The following CORO2A variants were observed in gnomAD, a reference collection of about 807,000 sequenced individuals.
CORO2A encodes coronin-2A.
A neutral mutation model predicts 62.4 loss-of-function variants in CORO2A; 47 were observed. That is an observed-to-expected ratio of 0.75 (90% CI 0.60 to 0.96). CORO2A has a LOEUF of 0.96. Among genes scored for constraint, CORO2A ranks in the 40% least tolerant of loss-of-function variants. The probability of loss-of-function intolerance (pLI) is 0.00; values close to 1 mark genes in which losing one functional copy is unlikely to be tolerated. For synonymous variants in CORO2A, 273 were observed against 268.9 expected (o/e 1.02, Z -0.15); for missense variants, 610 against 684.1 (o/e 0.89, Z 1.21).
intron 8 of CORO2A, 40 bp from the exon 9 acceptor site, chr9:98,128,759 C>CT: frequency 6.4e-7 from 1 of 1,572,164 alleles, no homozygotes; most frequent in Non-Finnish European, 8.8e-7. Context: ...TCTGGCTAGG[C>CT]TGGGGCCACA....
rs1229961134 is a variant in CORO2A at position 98,157,631 on chromosome 9, G to A, written c.30C>T (p.Ser10=). 4 of 1,613,840 alleles carry A rather than the reference G, an allele frequency of 2.5e-6. No homozygotes were observed. In the South Asian group the frequency reaches 4.4e-5, roughly 18 times the overall value. Residue 10 remains serine, a synonymous_variant, in exon 2 of 12, where the codon TCC becomes TCT. Coordinates refer to ENST00000375077, the MANE Select transcript of CORO2A (RefSeq NM_052820.4). ...GTTTGCCAAAGACATGACGGAACTT[G>A]GAGCTCCGGTACTGGGGGTGCCATG... MSWHPQYRS[S]KFRHVFGKPA...
At chr9:98,131,112 G>A (rs1375287028) in intron 6 of CORO2A, 53 bp from the exon 7 acceptor site, 8 of 1,234,422 alleles carry the variant, frequency 6.5e-6, no homozygotes, top group Non-Finnish European at 9.4e-6. Flanking sequence ...GGGGCCCTCA[G>A]TGGTGCTCCC....
In CORO2A at chr9:98,121,438, T is replaced by C. The variant is rs1827244258; in HGVS notation, c.*3336A>G. The C allele has an allele frequency of 6.6e-6, 1 of 151,984 alleles. No individual in the cohort carries two copies. Among genetic ancestry groups the C allele is most frequent in the African/African-American group, 2.4e-5 (1 of 41,414 alleles). The allele number at this position is 151,984 out of a possible 1,614,324, so 9.4% of individuals were successfully genotyped here. ...AAAATGTAATTTAAAAAACAGATGG[T>C]TTAAAAAAATATCTGATAAAAATTA... On this transcript the variant is annotated 3_prime_UTR_variant, in exon 12 of 12. Coordinates refer to ENST00000375077, the MANE Select transcript of CORO2A (RefSeq NM_052820.4).
At chr9:98,147,871 G>A (rs1319293898) in intron 2 of CORO2A, among the ~76,000 whole-genome samples, 7 of 152,068 alleles carry the variant, frequency 4.6e-5, no homozygotes, top group Non-Finnish European at 7.3e-5. Flanking sequence ...CCCCAAACTC[G>A]AAACAACCCA....
intron 2 of CORO2A, among the ~76,000 whole-genome samples, chr9:98,154,296 T>C (rs1020328436): frequency 6.9e-6 from 1 of 145,894 alleles, no homozygotes; most frequent in African/African-American, 2.5e-5. Context: ...TGTAAAACCA[T>C]CTAGGCCTAG....
At position 98,126,761 on chromosome 9, in the gene CORO2A, C is replaced by T. The variant is rs758266065; in HGVS notation, c.1234G>A (p.Glu412Lys). 1.9e-6 allele frequency: 3 copies of T among 1,614,070 alleles called. No homozygotes were observed. The highest frequency in any genetic ancestry group is 3.3e-5 in the Admixed American group (2 of 59,998). The change falls in exon 11 of 12, where the codon GAG (glutamate) becomes AAG (lysine). Residue 412 changes from glutamate to lysine, a missense_variant. Glu to Lys is a moderately conservative substitution (Grantham distance 56). Coordinates refer to ENST00000375077, the MANE Select transcript of CORO2A (RefSeq NM_052820.4). ...ELLRPHPLPA[E>K]RPIFNSMAPA... The stretch of plus-strand genomic sequence containing the variant: ...GCCATGGAATTGAAGATAGGTCTCT[C>T]TGCAGGCAGTGGGTGGGGTCTCAGC...
At chr9:98,157,846 T>G (rs1045389759) in intron 1 of CORO2A, among the ~76,000 whole-genome samples, 186 bp from the exon 2 acceptor site, 1 of 152,176 alleles carries the variant, frequency 6.6e-6, no homozygotes, top group Middle Eastern at 3.2e-3. Flanking sequence ...TCTGTAGACC[T>G]GGTAAGATAA....
At chr9:98,158,858 C>CACACAT (rs1827843685) in intron 1 of CORO2A, among the ~76,000 whole-genome samples, 1 of 150,398 alleles carries the variant, frequency 6.6e-6, no homozygotes, top group East Asian at 2.0e-4. Flanking sequence ...CACACACACA[C>CACACAT]ACCATGTATA....
At chr9:98,175,761 G>C (rs1386660697) in intron 1 of CORO2A, among the ~76,000 whole-genome samples, 1 of 152,208 alleles carries the variant, frequency 6.6e-6, no homozygotes, top group East Asian at 1.9e-4. Context: ...CCAGCTGGGA[G>C]ACATTGGGCC....
intron 8 of CORO2A, 71 bp from the exon 9 acceptor site, chr9:98,128,790 C>CAGCCTGGCTT: frequency 1.6e-6 from 2 of 1,233,090 alleles, no homozygotes; most frequent in Non-Finnish European, 2.4e-6. Flanking sequence ...CAAAGCCAGG[C>CAGCCTGGCTT]TGCACACCTG....
At chr9:98,157,290 G>A (rs1398903644) in intron 2 of CORO2A, 170 bp downstream of exon 2, 12 of 634,254 alleles carry the variant, frequency 1.9e-5, no homozygotes, top group Admixed American at 1.2e-4. Flanking sequence ...CAGGACAGGT[G>A]TATTTTTCCC....
chr9:98,127,013 C>G (rs1484902733), intron 10 of CORO2A, 190 bp from the exon 11 acceptor site: 4 of 631,640 alleles, frequency 6.3e-6, no homozygotes, highest in African/African-American at 1.8e-5. Context: ...CAAATACCCA[C>G]GTGTGCCACC....
intron 10 of CORO2A, among the ~76,000 whole-genome samples, chr9:98,127,325 G>A (rs1049128757): frequency 1.4e-4 from 22 of 152,176 alleles, no homozygotes; most frequent in African/African-American, 5.3e-4. Context: ...CAGTACACCA[G>A]GAGGCCCGCT....
chr9:98,132,815 G>C (rs1333062115), intron 5 of CORO2A, among the ~76,000 whole-genome samples: 1 of 152,192 alleles, frequency 6.6e-6, no homozygotes, highest in Non-Finnish European at 1.5e-5. Context: ...TCTCCATGGG[G>C]GTGAGTCATT....
intron 1 of CORO2A, among the ~76,000 whole-genome samples, chr9:98,188,018 T>C (rs1453960176): frequency 6.6e-6 from 1 of 152,214 alleles, no homozygotes; most frequent in African/African-American, 2.4e-5. Context: ...ATTATGAGCA[T>C]GGTGGGGTAC....
intron 1 of CORO2A, among the ~76,000 whole-genome samples, chr9:98,183,438 C>G (rs972226294): frequency 3.5e-4 from 54 of 152,334 alleles, no homozygotes; most frequent in African/African-American, 1.2e-3. Context: ...CAGGCCTTAC[C>G]AAAGTCCTTA....
intron 4 of CORO2A, among the ~76,000 whole-genome samples, chr9:98,134,220 G>A (rs1339907649): frequency 6.6e-6 from 1 of 152,236 alleles, no homozygotes; most frequent in Non-Finnish European, 1.5e-5. Flanking sequence ...CCAGGCTATA[G>A]TGCAGGTCAG....
chr9:98,142,832 C>T (rs1339813043), intron 2 of CORO2A, among the ~76,000 whole-genome samples: 1 of 137,288 alleles, frequency 7.3e-6, no homozygotes, highest in Non-Finnish European at 1.6e-5. Context: ...TCCGCCCCAC[C>T]TCCCCTGCCC....
At chr9:98,159,500 C>T (rs77663336) in intron 1 of CORO2A, among the ~76,000 whole-genome samples, 1,583 of 151,864 alleles carry the variant, frequency 0.01, 25 homozygotes, top group African/African-American at 0.036. Flanking sequence ...TCCAGCTTCC[C>T]CAGCACCTGC....
Sources: gnomAD v4.1 joint callset for allele counts (sites outside exome capture counted in the v4.1 genomes callset) on GRCh38, gnomAD v4.1.1 for gene constraint, MANE v1.5 for transcripts, NCBI Gene and HGNC (gene_info 2026-07-23, HGNC 2026-07-21) for gene names.